The following ZBTB20 variants were observed in gnomAD, a reference collection of about 807,000 sequenced individuals.
The protein encoded by ZBTB20 is zinc finger and BTB domain containing 20.
ZBTB20 carries 9 observed loss-of-function variants against 56.9 expected under a neutral mutation model. The ratio of observed to expected loss-of-function variants is 0.16; its 90% CI spans 0.10 to 0.28. The LOEUF is 0.28. Among genes scored for constraint, ZBTB20 ranks in the 10% least tolerant of loss-of-function variants. The pLI is 1.00. For missense variants in ZBTB20, 655 were observed against 1,003.0 expected (o/e 0.65, Z 4.69); for synonymous variants, 417 against 420.7 (o/e 0.99, Z 0.11).
chr3:114,814,310 T>C (rs1176244391), intron 4 of ZBTB20, among the ~76,000 whole-genome samples: 1 of 150,818 alleles, frequency 6.6e-6, no homozygotes, highest in African/African-American at 2.4e-5. Context: ...ATTTATATTG[T>C]ACATGTATGT....
At chr3:114,472,745 T>C (rs2040284545) in intron 7 of ZBTB20, among the ~76,000 whole-genome samples, 1 of 151,826 alleles carries the variant, frequency 6.6e-6, no homozygotes, top group Non-Finnish European at 1.5e-5. Flanking sequence ...CTGCTCTCCT[T>C]CCCTTCTGTG....
intron 7 of ZBTB20, among the ~76,000 whole-genome samples, chr3:114,463,922 A>G (rs567542531): frequency 1.8e-4 from 27 of 152,328 alleles, no homozygotes; most frequent in African/African-American, 6.3e-4. Flanking sequence ...AATTAACTAC[A>G]TGGTATAATT....
At chr3:114,801,771 T>G (rs1369700175) in intron 4 of ZBTB20, among the ~76,000 whole-genome samples, 1 of 151,654 alleles carries the variant, frequency 6.6e-6, no homozygotes, top group African/African-American at 2.4e-5. Flanking sequence ...CGTGCCCCAT[T>G]TCACATCATA....
chr3:114,773,663 T>C (rs2069376889), intron 5 of ZBTB20, among the ~76,000 whole-genome samples: 1 of 152,070 alleles, frequency 6.6e-6, no homozygotes, highest in South Asian at 2.1e-4. Flanking sequence ...ATCCACTCTC[T>C]TCAACAGGAA....
At chr3:114,575,335 A>G (rs892236551) in intron 6 of ZBTB20, among the ~76,000 whole-genome samples, 1 of 152,200 alleles carries the variant, frequency 6.6e-6, no homozygotes, top group Non-Finnish European at 1.5e-5. Flanking sequence ...CAAATGTATC[A>G]TTAGAATTTC....
intron 6 of ZBTB20, among the ~76,000 whole-genome samples, chr3:114,663,475 A>C (rs2060864018): frequency 6.7e-6 from 1 of 149,758 alleles, no homozygotes; most frequent in South Asian, 2.2e-4. Context: ...AAGAAACTGC[A>C]TCAACTAACG....
chr3:114,980,595 A>G (rs1460822858), intron 2 of ZBTB20, among the ~76,000 whole-genome samples: 1 of 151,966 alleles, frequency 6.6e-6, no homozygotes, highest in Admixed American at 6.6e-5. Flanking sequence ...CATGAGCAGA[A>G]ATATTCAGTA....
chr3:114,930,769 A>T (rs2076329081), intron 3 of ZBTB20: 1 of 280,378 alleles, frequency 3.6e-6, no homozygotes, highest in Non-Finnish European at 7.3e-6. Context: ...ACAGCAGAAT[A>T]CCATACAGAA....
chr3:114,626,841 GT>G (rs1423692537), intron 6 of ZBTB20, among the ~76,000 whole-genome samples: 1 of 152,168 alleles, frequency 6.6e-6, no homozygotes, highest in East Asian at 1.9e-4. Context: ...ACGTAGTCCA[GT>G]TGATCATCGC....
rs182278898 is a variant in ZBTB20, at chr3:114,970,886, G to T, written c.-456+3480C>A. ...AAAAATTAGCCAGGCATGGTAGTGG[G>T]CGCCTGTAGTCCCAGCTACTTGGGA... On this transcript the variant is annotated intron_variant, in intron 3 of 11. Coordinates refer to ENST00000675478, the MANE Select transcript of ZBTB20 (RefSeq NM_001348800.3). 8.9e-4 allele frequency among the ~76,000 whole-genome samples: 135 copies of T among 152,192 alleles called. 1 individual carries two copies. The highest frequency in any genetic ancestry group is 6.8e-3 in the Middle Eastern group (2 of 294).
chr3:114,880,090 T>C (rs2076342725), intron 4 of ZBTB20, among the ~76,000 whole-genome samples: 1 of 152,188 alleles, frequency 6.6e-6, no homozygotes, highest in Non-Finnish European at 1.5e-5. Context: ...AGGAGCAAAA[T>C]ATATTGAGTG....
rs191916980 is a variant in ZBTB20 at position 114,442,262 on chromosome 3, T to C, written c.-254-53157A>G. ...TCTTCTCTTCATTTAGAACTTGAGATATTAATGCTAATGATAAAAAGAAAA... is the reference window on the plus strand; with the variant it reads ...TCTTCTCTTCATTTAGAACTTGAGACATTAATGCTAATGATAAAAAGAAAA... On this transcript the variant is annotated intron_variant, in intron 7 of 11. Coordinates refer to ENST00000675478, the MANE Select transcript of ZBTB20 (RefSeq NM_001348800.3). 5.9e-4 allele frequency among the ~76,000 whole-genome samples: 90 copies of C among 152,304 alleles called. 1 individual carries two copies. Among genetic ancestry groups the C allele is most frequent in the African/African-American group, 2.0e-3 (84 of 41,586 alleles).
intron 6 of ZBTB20, among the ~76,000 whole-genome samples, chr3:114,569,128 A>G (rs1338776570): frequency 6.6e-6 from 1 of 152,228 alleles, no homozygotes. Flanking sequence ...TAATAATTTA[A>G]TAAAGTTTAT....
chr3:114,416,277 C>T (rs1202918996), intron 7 of ZBTB20, among the ~76,000 whole-genome samples: 1 of 150,928 alleles, frequency 6.6e-6, no homozygotes, highest in Non-Finnish European at 1.5e-5. Flanking sequence ...TATCAACCAC[C>T]TGATCATTGT....
chr3:114,988,018 T>A (rs1025756046), intron 2 of ZBTB20, among the ~76,000 whole-genome samples: 2 of 151,264 alleles, frequency 1.3e-5, no homozygotes, highest in African/African-American at 4.9e-5. Context: ...TATCGTCTTC[T>A]TTTTTTTTCT....
chr3:114,452,836 T>A (rs1360382382), intron 7 of ZBTB20, among the ~76,000 whole-genome samples: 2 of 152,132 alleles, frequency 1.3e-5, no homozygotes, highest in Non-Finnish European at 2.9e-5. Flanking sequence ...TAGTTAGGAA[T>A]GGTACATAAT....
At chr3:114,373,406 A>T (rs2083263250) in intron 10 of ZBTB20, among the ~76,000 whole-genome samples, 1 of 152,244 alleles carries the variant, frequency 6.6e-6, no homozygotes, top group Non-Finnish European at 1.5e-5. Flanking sequence ...CATGATTAAA[A>T]TGAGGCAAAG....
At chr3:114,938,099 C>G (rs1017810656) in intron 3 of ZBTB20, among the ~76,000 whole-genome samples, 1 of 151,436 alleles carries the variant, frequency 6.6e-6, no homozygotes, top group Non-Finnish European at 1.5e-5. Flanking sequence ...GCCTGGGCAA[C>G]AGAGTGAGAC....
At chr3:114,838,884 CTTA>C (rs749961838) in intron 4 of ZBTB20, among the ~76,000 whole-genome samples, 7 of 152,146 alleles carry the variant, frequency 4.6e-5, no homozygotes, top group Middle Eastern at 6.8e-3. Flanking sequence ...TGTCTTTAAA[CTTA>C]TTTACTGATG....
Sources: allele counts gnomAD v4.1 joint callset (sites outside exome capture counted in the v4.1 genomes callset), GRCh38; gene constraint gnomAD v4.1.1; transcripts MANE v1.5; gene names NCBI Gene and HGNC (gene_info 2026-07-23, HGNC 2026-07-21).